The following MAGT1 variants were observed in gnomAD, a reference collection of about 807,000 sequenced individuals.
The protein encoded by MAGT1 is magnesium transporter 1, also known as dolichyl-diphosphooligosaccharide--protein glycosyltransferase subunit MAGT1.
A neutral mutation model predicts 28.4 loss-of-function variants in MAGT1; 4 were observed. The observed-to-expected ratio is 0.14, with a 90% CI of 0.07 to 0.32. The LOEUF (loss-of-function observed/expected upper bound fraction) is 0.32. Among genes scored for constraint, MAGT1 ranks in the 10% least tolerant of loss-of-function variants. The pLI is 1.00. For missense variants in MAGT1, 193 were observed against 264.5 expected, an observed-to-expected ratio of 0.73 and a Z score of 1.88; for synonymous variants, 89 against 89.7, an observed-to-expected ratio of 0.99 and a Z score of 0.04.
intron 3 of MAGT1, among the ~76,000 whole-genome samples, chrX:77,864,934 A>G (rs1557216756): frequency 9.0e-6 from 1 of 111,536 alleles, no homozygotes; most frequent in Admixed American, 9.6e-5. Context: ...CTGGTGTCGA[A>G]CTCCTGACCT....
intron 7 of MAGT1, among the ~76,000 whole-genome samples, chrX:77,852,324 T>C (rs977691241): frequency 5.3e-5 from 6 of 112,434 alleles, no homozygotes; most frequent in African/African-American, 1.9e-4. Flanking sequence ...AAGTATATTT[T>C]CCATAGTGCA....
intron 1 of MAGT1, among the ~76,000 whole-genome samples, chrX:77,876,165 T>TATATATATA (rs1491126690): frequency 1.6e-3 from 21 of 13,363 alleles, no homozygotes; most frequent in African/African-American, 3.8e-3. Flanking sequence ...TATATATATA[T>TATATATATA]TTTTTTTTTT....
chrX:77,860,348 A>C (rs782016176), intron 3 of MAGT1, among the ~76,000 whole-genome samples: 1 of 110,719 alleles, frequency 9.0e-6, no homozygotes, highest in East Asian at 2.9e-4. Flanking sequence ...TCAGCCTCCC[A>C]AAGTGCTGGC....
At chrX:77,845,143 A>G (rs2076947707) in intron 7 of MAGT1, among the ~76,000 whole-genome samples, 1 of 111,535 alleles carries the variant, frequency 9.0e-6, no homozygotes, top group Non-Finnish European at 1.9e-5. Context: ...TTGGGTGCAT[A>G]TATATTTAGG....
At chrX:77,880,436 G>A (rs1489376028) in intron 1 of MAGT1, among the ~76,000 whole-genome samples, 1 of 109,237 alleles carries the variant, frequency 9.2e-6, no homozygotes, top group Non-Finnish European at 1.9e-5. Context: ...GGCTGAGGCA[G>A]GAGAATTGCT....
chrX:77,841,184 A>G, intron 8 of MAGT1, 62 bp downstream of exon 8: 1 of 861,404 alleles, frequency 1.2e-6, no homozygotes, highest in Non-Finnish European at 1.7e-6. Context: ...AAAAGTGATT[A>G]AGAGATCACT....
At chrX:77,830,778 T>C (rs781850023) in intron 9 of MAGT1, 27 bp downstream of exon 9, 3 of 893,756 alleles carry the variant, frequency 3.4e-6, no homozygotes, top group South Asian at 4.8e-5. Flanking sequence ...TGGTAATCAC[T>C]GTATAAACAA....
intron 3 of MAGT1, among the ~76,000 whole-genome samples, chrX:77,860,659 A>G (rs2076992498): frequency 9.0e-6 from 1 of 110,522 alleles, no homozygotes; most frequent in Admixed American, 9.6e-5. Flanking sequence ...GCGCATGCCT[A>G]TAATCCCAGC....
At chrX:77,842,672 C>A (rs2076938460) in intron 7 of MAGT1, among the ~76,000 whole-genome samples, 1 of 109,886 alleles carries the variant, frequency 9.1e-6, no homozygotes, top group African/African-American at 3.3e-5. Context: ...ACTAAAAATA[C>A]AAAAATTAGC....
chrX:77,834,186 ATGTATATATATGCATATATATACATGTG>A (rs1417132179), intron 8 of MAGT1, among the ~76,000 whole-genome samples: 6 of 101,738 alleles, frequency 5.9e-5, no homozygotes, highest in African/African-American at 3.6e-5. Flanking sequence ...ATATGCATAT[ATGTATATATATGCATATATATACATGTG>A]TGTATATATA....
rs1222026237 is a variant in MAGT1 at position 77,876,132 on chromosome X, T to TTATATATA, written c.103-543_103-536dup. 3.3e-3 allele frequency among the ~76,000 whole-genome samples: 111 copies of TTATATATA among 34,056 alleles called. 6 individuals carry two copies. The highest frequency in any genetic ancestry group is 0.015 in the African/African-American group (95 of 6,327). 29.6% of individuals were successfully genotyped at this position (34,056 alleles called of 115,157 possible). ...AGGCATGAGCCACCACACCTGGCCT[T>TTATATATA]TATATATATATATATATATATATAT... On this transcript the variant is annotated intron_variant, in intron 1 of 9. Coordinates refer to ENST00000618282, the MANE Select transcript of MAGT1 (RefSeq NM_001367916.1).
At chrX:77,864,062 C>A (rs2077002116) in intron 3 of MAGT1, among the ~76,000 whole-genome samples, 1 of 110,747 alleles carries the variant, frequency 9.0e-6, no homozygotes, top group African/African-American at 3.3e-5. Flanking sequence ...GAATACTACT[C>A]CACCATAAAA....
chrX:77,835,844 C>T (rs948098802), intron 8 of MAGT1, among the ~76,000 whole-genome samples: 6 of 111,320 alleles, frequency 5.4e-5, no homozygotes, highest in Non-Finnish European at 7.5e-5. Flanking sequence ...CGCTCTGTCA[C>T]CCAGGCTGGA....
rs1399939281 is a variant in MAGT1, at chrX:77,842,826, C to CA, written c.827-1507dup. ...TGGGTGACAGAACAAGACTCCATCT[C>CA]AAAAAAAAAAGAAAAAGAAAAAGAA... On this transcript the variant is annotated intron_variant, in intron 7 of 9. Transcript: ENST00000618282. Among the ~76,000 whole-genome samples, 774 of 102,358 alleles carry CA rather than the reference C, an allele frequency of 7.6e-3. 4 individuals carry two copies. The highest frequency in any genetic ancestry group is 0.011 in the Non-Finnish European group (569 of 50,000). The allele number at this position is 102,358 out of a possible 115,157, so 88.9% of individuals were successfully genotyped here. A position where few individuals can be genotyped will look rare whatever the true frequency, so the allele number is the denominator to read the frequency against.
rs1010006993 is a variant in MAGT1 at position 77,877,932 on chromosome X, T to C, written c.103-2335A>G. Reference sequence around the variant, plus strand: ...AGAAACTAGATCTCTCATACATCACTGGTGGGAATGTAGTATGGTGCAGCC... The same window carrying C: ...AGAAACTAGATCTCTCATACATCACCGGTGGGAATGTAGTATGGTGCAGCC... On this transcript the variant is annotated intron_variant, in intron 1 of 9. Transcript: ENST00000618282. Among the ~76,000 whole-genome samples, 3 of 110,067 alleles carry C rather than the reference T, an allele frequency of 2.7e-5. No individual in the cohort carries two copies. In the Admixed American group the frequency reaches 3.0e-4, roughly 11 times the overall value.
chrX:77,893,432 C>T (rs1400975878), intron 1 of MAGT1, among the ~76,000 whole-genome samples: 3 of 110,783 alleles, frequency 2.7e-5, no homozygotes, highest in Non-Finnish European at 5.7e-5. Flanking sequence ...TAAAATTCAC[C>T]ATATTGACCA....
rs201564456 is a variant in MAGT1 at position 77,830,970 on chromosome X, T to TTTTTA, written c.902-80_902-76dup. 0.015 allele frequency: 2,781 copies of TTTTTA among 182,481 alleles called. 58 individuals carry two copies. The highest frequency in any genetic ancestry group is 0.045 in the African/African-American group (1,139 of 25,291). The allele number at this position is 182,481 out of a possible 1,213,427, so 15.0% of individuals were successfully genotyped here. ...TAACCATGGCAGTCTATACTTTCTT[T>TTTTTA]TTTTATTTTATTTTATTTTATTTTA... On this transcript the variant is annotated intron_variant, in intron 8 of 9. Transcript: ENST00000618282.
intron 8 of MAGT1, among the ~76,000 whole-genome samples, chrX:77,837,547 T>A (rs2076922792): frequency 9.0e-6 from 1 of 110,863 alleles, no homozygotes; most frequent in African/African-American, 3.3e-5. Flanking sequence ...CCTCAAGCCA[T>A]CCTCCTGTCC....
chrX:77,848,970 C>A (rs1557215252), intron 7 of MAGT1, among the ~76,000 whole-genome samples: 1 of 109,954 alleles, frequency 9.1e-6, no homozygotes, highest in Non-Finnish European at 1.9e-5. Context: ...GCTATGGTGA[C>A]CCCACTGTAC....
Sources: gnomAD v4.1 joint callset for allele counts (sites outside exome capture counted in the v4.1 genomes callset) on GRCh38, gnomAD v4.1.1 for gene constraint, MANE v1.5 for transcripts, NCBI Gene and HGNC (gene_info 2026-07-23, HGNC 2026-07-21) for gene names.